Variants in MARCKSL1 observed in about 807,000 individuals in gnomAD.
MARCKSL1 encodes MARCKS like 1.
In MARCKSL1, 5 loss-of-function variants were observed where a neutral mutation model predicts 13.3. The observed-to-expected ratio is 0.38, with a 90% CI of 0.20 to 0.79. The LOEUF is 0.79. MARCKSL1 is among the 30% of genes least tolerant of loss of function. The pLI is 0.45. For missense variants in MARCKSL1, 274 were observed against 251.6 expected, an observed-to-expected ratio of 1.09 and a Z score of -0.60; for synonymous variants, 126 against 103.2, an observed-to-expected ratio of 1.22 and a Z score of -1.34.
rs762691970 is a variant in MARCKSL1, at chr1:32,334,552, GCA to G, written c.*43_*44del. The G allele has an allele frequency of 2.7e-6, 4 of 1,505,602 alleles. No individual in the cohort carries two copies. Among genetic ancestry groups the G allele is most frequent in the East Asian group, 2.3e-5 (1 of 43,030 alleles). The allele number at this position is 1,505,602 out of a possible 1,614,324, so 93.3% of individuals were successfully genotyped here. A position where few individuals can be genotyped will look rare whatever the true frequency, so the allele number is the denominator to read the frequency against. On this transcript the variant is annotated 3_prime_UTR_variant, in exon 2 of 2. Transcript: ENST00000329421. ...TCCAGGCAGTGACCTCACAAGGACA[GCA>G]CAGTTTTTGCAGCTTAGAGATCACC...
At position 32,335,141 on chromosome 1, in the gene MARCKSL1, CCCCCA is replaced by C. The variant is rs771177809; in HGVS notation, c.88-49_88-45del. On this transcript the variant is annotated intron_variant, in intron 1 of 1. Transcript: ENST00000329421. The surrounding 1 kb of genome is among the most constrained non-coding windows in gnomAD (Gnocchi z 4.1). ...AGCAATGAGGGCAGGGGCTCCCCCT[CCCCCA>C]GCCCGCTTCTGATCCCTTCTAGAGG... 6.7e-7 allele frequency: 1 copy of C among 1,494,682 alleles called. No individual in the cohort carries two copies. Among genetic ancestry groups the C allele is most frequent in the Admixed American group, 2.4e-5 (1 of 42,350 alleles). The allele number at this position is 1,494,682 out of a possible 1,614,324, so 92.6% of individuals were successfully genotyped here. A position where few individuals can be genotyped will look rare whatever the true frequency, so the allele number is the denominator to read the frequency against.
Position 32,335,894 on chromosome 1 carries a change from A to T in MARCKSL1, c.87+53T>A. ...CCCGGCCCCGGCCCCGGGCCCTAGA[A>T]GGGGCGAGGTGCGAGAGGAGGGGCT... On this transcript the variant is annotated intron_variant, in intron 1 of 1. Transcript: ENST00000329421. The surrounding 1 kb of genome is among the most constrained non-coding windows in gnomAD (Gnocchi z 4.1). 8.9e-7 allele frequency: 1 copy of T among 1,123,730 alleles called. No homozygotes were observed. The highest frequency in any genetic ancestry group is 1.1e-6 in the Non-Finnish European group (1 of 876,508). The allele number at this position is 1,123,730 out of a possible 1,614,324, so 69.6% of individuals were successfully genotyped here.
chr1:32,334,739 G>C lies in MARCKSL1; in HGVS notation c.446C>G (p.Pro149Arg), dbSNP rs757352085. The C allele has an allele frequency of 6.2e-7, 1 of 1,612,168 alleles. No homozygotes were observed. The highest frequency in any genetic ancestry group is 1.1e-5 in the South Asian group (1 of 91,008). The change falls in exon 2 of 2, where the codon CCT becomes CGT. Residue 149 changes from proline (P) to arginine (R), a missense_variant. Pro to Arg is a moderately radical substitution (Grantham distance 103). Transcript: ENST00000329421. ...CTTGGCCTGGGGTTCCTGGCTCTCA[G>C]GGGTGGCTGCGGCCTTCCCTTCCTG... ...TAQEGKAAAT[P>R]ESQEPQAKGA...
In MARCKSL1 at chr1:32,334,622, G is replaced by A; in HGVS notation, c.563C>T (p.Pro188Leu). The A allele has an allele frequency of 1.9e-6, 3 of 1,578,750 alleles. 1 individual carries two copies. The South Asian group carries it at 3.5e-5, about 18-fold the overall frequency. ...CTACTCATTCTGCTCAGCGCTGGCT[G>A]GTGTAGGGCCACTCTCCGGCCCCGA... Reference protein sequence around the residue: ...TPSGPESGPTPASAEQNE With the variant: ...TPSGPESGPTLASAEQNE Residue 188 changes from proline to leucine, a missense_variant, in exon 2 of 2, where the codon CCA becomes CTA. By Grantham distance (98) the Pro-to-Leu change is moderately conservative (BLOSUM62 -3). Coordinates refer to ENST00000329421, the MANE Select transcript of MARCKSL1 (RefSeq NM_023009.7).
chr1:32,335,047 C>T lies in MARCKSL1; in HGVS notation c.138G>A (p.Gly46=), dbSNP rs1214495361. Residue 46 remains glycine (G), a synonymous_variant, in exon 2 of 2, where the codon GGG becomes GGA. Coordinates refer to ENST00000329421, the MANE Select transcript of MARCKSL1 (RefSeq NM_023009.7). The surrounding 1 kb of genome is among the most constrained non-coding windows in gnomAD (Gnocchi z 4.1). ...CTGTTCCGTTCACAGGGGGCGACTC[C>T]CCTTCACCCTTGGGGGATAAGTCTC... ...SNGDLSPKGE[G]ESPPVNGTDE... 5.8e-6 allele frequency: 9 copies of T among 1,558,954 alleles called. No homozygotes were observed. The highest frequency in any genetic ancestry group is 7.8e-6 in the Non-Finnish European group (9 of 1,154,364).
chr1:32,334,954 C>T lies in MARCKSL1; in HGVS notation c.231G>A (p.Lys77=), dbSNP rs1233054067. Reference sequence around the variant, plus strand: ...GGGTCTCCTTGGGGGGGACCTCCCCCTTGGCCTCAGCACCCTGGCTAGGGG... The same window carrying T: ...GGGTCTCCTTGGGGGGGACCTCCCCTTTGGCCTCAGCACCCTGGCTAGGGG... ...PAPPSQGAEA[K]GEVPPKETPK... The change falls in exon 2 of 2, where the codon AAG becomes AAA. Residue 77 remains lysine (K), a synonymous_variant. Coordinates refer to ENST00000329421, the MANE Select transcript of MARCKSL1 (RefSeq NM_023009.7). 1.2e-6 allele frequency: 2 copies of T among 1,612,556 alleles called. No individual in the cohort carries two copies. Among genetic ancestry groups the T allele is most frequent in the Admixed American group, 1.7e-5 (1 of 59,974 alleles).
In MARCKSL1 at chr1:32,334,503, C is replaced by G. The variant is rs1641349790; in HGVS notation, c.*94G>C. 19 of 1,419,064 alleles carry G rather than the reference C, an allele frequency of 1.3e-5. No homozygotes were observed. Among genetic ancestry groups the G allele is most frequent in the Non-Finnish European group, 1.8e-5 (19 of 1,072,182 alleles). The allele number at this position is 1,419,064 out of a possible 1,614,324, so 87.9% of individuals were successfully genotyped here. A position where few individuals can be genotyped will look rare whatever the true frequency, so the allele number is the denominator to read the frequency against. On this transcript the variant is annotated 3_prime_UTR_variant, in exon 2 of 2. Coordinates refer to ENST00000329421, the MANE Select transcript of MARCKSL1 (RefSeq NM_023009.7). ...GCAATAGCCCCTTCCTTTCTGGGCA[C>G]AGGAAGGCAGCCAGGGCACCAGGTC...
rs1248458989 is a variant in MARCKSL1, at chr1:32,335,590, C to A, written c.87+357G>T. ...AGACCGTGGGCCACCGAGGTCGGGT[C>A]GGCGGGTGGAGTGCGCTCCCCGCCG... On this transcript the variant is annotated intron_variant, in intron 1 of 1. Coordinates refer to ENST00000329421, the MANE Select transcript of MARCKSL1 (RefSeq NM_023009.7). This position sits in a 1 kb window ranked among gnomAD's most constrained non-coding sequence, Gnocchi z 4.1. 6.6e-6 allele frequency among the ~76,000 whole-genome samples: 1 copy of A among 151,450 alleles called. No homozygotes were observed. The highest frequency in any genetic ancestry group is 1.5e-5 in the Non-Finnish European group (1 of 67,682).
At position 32,334,582 on chromosome 1, in the gene MARCKSL1, C is replaced by A. The variant is rs761233418; in HGVS notation, c.*15G>T. 2.6e-6 allele frequency: 4 copies of A among 1,522,466 alleles called. No homozygotes were observed. The highest frequency in any genetic ancestry group is 3.5e-6 in the Non-Finnish European group (4 of 1,135,538). The allele number at this position is 1,522,466 out of a possible 1,614,324, so 94.3% of individuals were successfully genotyped here. On this transcript the variant is annotated 3_prime_UTR_variant, in exon 2 of 2. Coordinates refer to ENST00000329421, the MANE Select transcript of MARCKSL1 (RefSeq NM_023009.7). ...GTTTTTGCAGCTTAGAGATCACCCA[C>A]CTGCCCCTACCTAGCTACTCATTCT...
Position 32,334,618 on chromosome 1 carries a change from G to C in MARCKSL1, c.567C>G (p.Ala189=), listed in dbSNP as rs762840696. The change falls in exon 2 of 2, where the codon GCC becomes GCG. Residue 189 remains alanine (A), a synonymous_variant. Transcript: ENST00000329421. ...CTAGCTACTCATTCTGCTCAGCGCT[G>C]GCTGGTGTAGGGCCACTCTCCGGCC... ...PSGPESGPTP[A]SAEQNE is the part of the protein sequence containing the mutation. 2.3e-5 allele frequency: 37 copies of C among 1,574,982 alleles called. No individual in the cohort carries two copies. Among genetic ancestry groups the C allele is most frequent in the Admixed American group, 1.9e-5 (1 of 53,532 alleles).
Position 32,335,824 on chromosome 1 carries a change from G to C in MARCKSL1, c.87+123C>G. 2.4e-6 allele frequency: 1 copy of C among 409,818 alleles called. No individual in the cohort carries two copies. Among genetic ancestry groups the C allele is most frequent in the Non-Finnish European group, 4.0e-6 (1 of 250,872 alleles). The allele number at this position is 409,818 out of a possible 1,614,324, so 25.4% of individuals were successfully genotyped here. A position where few individuals can be genotyped will look rare whatever the true frequency, so the allele number is the denominator to read the frequency against. On this transcript the variant is annotated intron_variant, in intron 1 of 1. Coordinates refer to ENST00000329421, the MANE Select transcript of MARCKSL1 (RefSeq NM_023009.7). This position sits in a 1 kb window ranked among gnomAD's most constrained non-coding sequence, Gnocchi z 4.1. ...GGCGCCGAGAACAAAGGGACCGGGC[G>C]GGGGAGGGGGCGCCGCGTGTCCCGG...
chr1:32,334,531 G>C lies in MARCKSL1; in HGVS notation c.*66C>G. On this transcript the variant is annotated 3_prime_UTR_variant, in exon 2 of 2. Transcript: ENST00000329421. The stretch of plus-strand genomic sequence containing the variant: ...GAAGGCAGCCAGGGCACCAGGTCCA[G>C]GCAGTGACCTCACAAGGACAGCACA... 1 of 1,476,128 alleles carries C rather than the reference G, an allele frequency of 6.8e-7. No individual in the cohort carries two copies. Among genetic ancestry groups the C allele is most frequent in the Non-Finnish European group, 9.0e-7 (1 of 1,111,668 alleles). The allele number at this position is 1,476,128 out of a possible 1,614,324, so 91.4% of individuals were successfully genotyped here.
In MARCKSL1 at chr1:32,335,343, C is replaced by T. The variant is rs1451662093; in HGVS notation, c.88-246G>A. Among the ~76,000 whole-genome samples, 1 of 151,920 alleles carries T rather than the reference C, an allele frequency of 6.6e-6. No individual in the cohort carries two copies. Among genetic ancestry groups the T allele is most frequent in the African/African-American group, 2.4e-5 (1 of 41,432 alleles). Reference sequence around the variant, plus strand: ...GGGGTCCCGTGGCCCCCACCCCCGTCCCCCGGGGCGCGCTCTCTATTCCGC... The same window carrying T: ...GGGGTCCCGTGGCCCCCACCCCCGTTCCCCGGGGCGCGCTCTCTATTCCGC... On this transcript the variant is annotated intron_variant, in intron 1 of 1. Coordinates refer to ENST00000329421, the MANE Select transcript of MARCKSL1 (RefSeq NM_023009.7). This position sits in a 1 kb window ranked among gnomAD's most constrained non-coding sequence, Gnocchi z 4.1.
rs561791871 is a variant in MARCKSL1, at chr1:32,334,501, C to A, written c.*96G>T. 1.2e-5 allele frequency: 17 copies of A among 1,407,892 alleles called. No individual in the cohort carries two copies. Among genetic ancestry groups the A allele is most frequent in the Non-Finnish European group, 1.6e-5 (17 of 1,062,794 alleles). 87.2% of individuals were successfully genotyped at this position (1,407,892 alleles called of 1,614,324 possible). On this transcript the variant is annotated 3_prime_UTR_variant, in exon 2 of 2. Coordinates refer to ENST00000329421, the MANE Select transcript of MARCKSL1 (RefSeq NM_023009.7). ...AGGCAATAGCCCCTTCCTTTCTGGGCACAGGAAGGCAGCCAGGGCACCAGG... is the reference window on the plus strand; with the variant it reads ...AGGCAATAGCCCCTTCCTTTCTGGGAACAGGAAGGCAGCCAGGGCACCAGG...
rs780918507 is a variant in MARCKSL1, at chr1:32,335,897, G to A, written c.87+50C>T. The A allele has an allele frequency of 2.6e-6, 3 of 1,149,926 alleles. No homozygotes were observed. The highest frequency in any genetic ancestry group is 3.3e-6 in the Non-Finnish European group (3 of 898,540). 71.2% of individuals were successfully genotyped at this position (1,149,926 alleles called of 1,614,324 possible). ...GGCCCCGGCCCCGGGCCCTAGAAGG[G>A]GCGAGGTGCGAGAGGAGGGGCTGGG... On this transcript the variant is annotated intron_variant, in intron 1 of 1. Transcript: ENST00000329421. The surrounding 1 kb of genome is among the most constrained non-coding windows in gnomAD (Gnocchi z 4.1).
At position 32,335,703 on chromosome 1, in the gene MARCKSL1, G is replaced by A. The variant is rs1398350459; in HGVS notation, c.87+244C>T. ...GCGCGGCACTCGGGGCGGCCGGGGG[G>A]CAGCGCCGGGGACCGGGGCCGCGAA... is the stretch of plus-strand genomic sequence containing the variant. On this transcript the variant is annotated intron_variant, in intron 1 of 1. Coordinates refer to ENST00000329421, the MANE Select transcript of MARCKSL1 (RefSeq NM_023009.7). This position sits in a 1 kb window ranked among gnomAD's most constrained non-coding sequence, Gnocchi z 4.1. 6.6e-6 allele frequency among the ~76,000 whole-genome samples: 1 copy of A among 151,250 alleles called. No individual in the cohort carries two copies. The highest frequency in any genetic ancestry group is 2.4e-5 in the African/African-American group (1 of 41,326).
At position 32,335,371 on chromosome 1, in the gene MARCKSL1, G is replaced by A. The variant is rs1197771768; in HGVS notation, c.88-274C>T. 6.6e-6 allele frequency among the ~76,000 whole-genome samples: 1 copy of A among 151,294 alleles called. No individual in the cohort carries two copies. Among genetic ancestry groups the A allele is most frequent in the African/African-American group, 2.4e-5 (1 of 41,228 alleles). On this transcript the variant is annotated intron_variant, in intron 1 of 1. Coordinates refer to ENST00000329421, the MANE Select transcript of MARCKSL1 (RefSeq NM_023009.7). This position sits in a 1 kb window ranked among gnomAD's most constrained non-coding sequence, Gnocchi z 4.1. The stretch of plus-strand genomic sequence containing the variant: ...CCGGGGCGCGCTCTCTATTCCGCGC[G>A]GAACCGCTCCGGATCTGCTGTGCGG...
Position 32,334,891 on chromosome 1 carries a change from G to T in MARCKSL1, c.294C>A (p.Phe98Leu). Reference protein sequence around the residue: ...KKKKFSFKKPFKLSGLSFKRN... With the variant: ...KKKKFSFKKPLKLSGLSFKRN... ...TCTTGAAGGACAGGCCGCTCAATTT[G>T]AAAGGCTTCTTGAAAGAGAATTTCT... The change falls in exon 2 of 2, where the codon TTC (phenylalanine) becomes TTA (leucine). Residue 98 changes from phenylalanine to leucine, a missense_variant. By Grantham distance (22) the Phe-to-Leu change is conservative (BLOSUM62 0). Transcript: ENST00000329421. 5 of 1,612,520 alleles carry T rather than the reference G, an allele frequency of 3.1e-6. No homozygotes were observed. Among genetic ancestry groups the T allele is most frequent in the Non-Finnish European group, 4.2e-6 (5 of 1,179,996 alleles).
chr1:32,334,981 T>C lies in MARCKSL1; in HGVS notation c.204A>G (p.Ala68=), dbSNP rs1451242284. 6.2e-7 allele frequency: 1 copy of C among 1,610,286 alleles called. No homozygotes were observed. The highest frequency in any genetic ancestry group is 2.2e-5 in the East Asian group (1 of 44,840). ...TGGCCTCAGCACCCTGGCTAGGGGGTGCTGGCTCGATGGCATCGCCAGTGG... is the reference window on the plus strand; with the variant it reads ...TGGCCTCAGCACCCTGGCTAGGGGGCGCTGGCTCGATGGCATCGCCAGTGG... ...AGATGDAIEP[A]PPSQGAEAKG... Residue 68 remains alanine (A), a synonymous_variant, in exon 2 of 2, where the codon GCA becomes GCG. Coordinates refer to ENST00000329421, the MANE Select transcript of MARCKSL1 (RefSeq NM_023009.7).
Sources: gnomAD v4.1 joint callset for allele counts (sites outside exome capture counted in the v4.1 genomes callset) on GRCh38, gnomAD v4.1.1 for gene constraint, Gnocchi (gnomAD v3.1) non-coding constraint, MANE v1.5 for transcripts, NCBI Gene and HGNC (gene_info 2026-07-23, HGNC 2026-07-21) for gene names.